ZC3H12B: variants seen among roughly 807,000 people sequenced by gnomAD.
ZC3H12B encodes the protein probable ribonuclease ZC3H12B.
ZC3H12B carries 7 observed loss-of-function variants against 43.9 expected under a neutral mutation model. The observed-to-expected ratio is 0.16, with a 90% CI of 0.09 to 0.30. The LOEUF (loss-of-function observed/expected upper bound fraction) is 0.30. Among genes scored for constraint, ZC3H12B ranks in the 10% least tolerant of loss-of-function variants. The pLI, the probability that ZC3H12B is intolerant of heterozygous loss-of-function variation, is 1.00. For synonymous variants in ZC3H12B, 222 were observed against 241.7 expected (o/e 0.92, Z 0.76); for missense variants, 475 against 670.2 (o/e 0.71, Z 3.22).
the ZC3H12B span, among the ~76,000 whole-genome samples, chrX:65,230,185 C>T: frequency 9.0e-6 from 1 of 111,465 alleles, no homozygotes; most frequent in Non-Finnish European, 1.9e-5. Flanking sequence ...CTCATATACA[C>T]CATGGAATAC....
At chrX:65,175,411 C>T in the ZC3H12B span, among the ~76,000 whole-genome samples, 1 of 111,526 alleles carries the variant, frequency 9.0e-6, no homozygotes, top group Non-Finnish European at 1.9e-5. Flanking sequence ...TATTTGTAAA[C>T]ATTTTTGATT....
chrX:65,449,011 A>G (rs1308687476), intron 3 of ZC3H12B, among the ~76,000 whole-genome samples: 7 of 66,491 alleles, frequency 1.1e-4, no homozygotes, highest in African/African-American at 1.5e-4. Context: ...AGAAAGAAAG[A>G]AAGGAAGGAA....
At chrX:65,367,630 A>G (rs1282583630) in intron 1 of ZC3H12B, among the ~76,000 whole-genome samples, 1 of 111,613 alleles carries the variant, frequency 9.0e-6, no homozygotes, top group Non-Finnish European at 1.9e-5. Context: ...TTCACACAGT[A>G]AACAAATTTT....
At chrX:65,251,175 G>C in the ZC3H12B span, among the ~76,000 whole-genome samples, 12 of 111,438 alleles carry the variant, frequency 1.1e-4, no homozygotes, top group South Asian at 3.0e-3. Flanking sequence ...GTTTTCCCAG[G>C]ACCATTTATT....
chrX:65,305,444 G>A, the ZC3H12B span, among the ~76,000 whole-genome samples: 2 of 112,053 alleles, frequency 1.8e-5, no homozygotes, highest in Non-Finnish European at 3.8e-5. Flanking sequence ...GACTCATTAA[G>A]AGATAGCGAT....
the ZC3H12B span, among the ~76,000 whole-genome samples, chrX:65,253,635 CT>C: frequency 0.11 from 12,572 of 111,864 alleles, 1,707 homozygotes; most frequent in African/African-American, 0.38. Context: ...GATAGCCCCC[CT>C]GTCTGCTGGC....
exon 5 of ZC3H12B, chrX:65,503,621 T>TC (rs1491405860): frequency 0.086 from 9,704 of 112,311 alleles, 1,253 homozygotes; most frequent in African/African-American, 0.33. Flanking sequence ...TTTCTTTCTT[T>TC]ATTTTTTTTT....
chrX:65,224,694 C>A, the ZC3H12B span, among the ~76,000 whole-genome samples: 1 of 112,059 alleles, frequency 8.9e-6, no homozygotes, highest in South Asian at 3.7e-4. Context: ...TTCCGACGGG[C>A]TTAAAAAACG....
chrX:65,450,922 CAT>C (rs756737804), intron 3 of ZC3H12B, among the ~76,000 whole-genome samples: 40 of 91,514 alleles, frequency 4.4e-4, no homozygotes, highest in Non-Finnish European at 6.3e-4. Context: ...CACACACACA[CAT>C]ATATATATAT....
chrX:65,385,363 A>G (rs188714741), intron 2 of ZC3H12B, among the ~76,000 whole-genome samples: 1 of 111,734 alleles, frequency 8.9e-6, no homozygotes, highest in East Asian at 2.8e-4. Context: ...GAGGTCCTTC[A>G]CATCCCTTGT....
At chrX:65,079,688 G>A in the ZC3H12B span, among the ~76,000 whole-genome samples, 1 of 112,584 alleles carries the variant, frequency 8.9e-6, no homozygotes, top group African/African-American at 3.2e-5. Context: ...CACAAAAACA[G>A]ATACAGATTA....
At chrX:65,501,277 G>A (rs1324515437) in intron 4 of ZC3H12B, among the ~76,000 whole-genome samples, 1 of 78,692 alleles carries the variant, frequency 1.3e-5, no homozygotes, top group African/African-American at 5.5e-5. Flanking sequence ...ACAGGGTCTT[G>A]CTCTTGCTCT....
At chrX:65,079,860 C>G in the ZC3H12B span, among the ~76,000 whole-genome samples, 1 of 110,711 alleles carries the variant, frequency 9.0e-6, no homozygotes, top group Non-Finnish European at 1.9e-5. Context: ...AAAACATGAC[C>G]TCACCCAGTG....
chrX:65,452,388 G>A (rs990916033), intron 3 of ZC3H12B, among the ~76,000 whole-genome samples: 10 of 109,232 alleles, frequency 9.2e-5, no homozygotes, highest in Non-Finnish European at 1.5e-4. Flanking sequence ...TACATCATCA[G>A]CAACCAAGCT....
At position 65,370,854 on chromosome X, in the gene ZC3H12B, C is replaced by T. The variant is rs148325275; in HGVS notation, n.295+1856C>T. On this transcript the variant is annotated intron_variant and non_coding_transcript_variant, in intron 2 of 5. Coordinates refer to the ZC3H12B transcript ENST00000617377. Reference sequence around the variant, plus strand: ...GTGAACAGTAGTTTCATAACAAAGCCCAACAGGACCATTTAGGTAAGACAT... The same window carrying T: ...GTGAACAGTAGTTTCATAACAAAGCTCAACAGGACCATTTAGGTAAGACAT... 4.0e-3 allele frequency among the ~76,000 whole-genome samples: 445 copies of T among 111,911 alleles called. 4 individuals carry two copies. The highest frequency in any genetic ancestry group is 0.014 in the African/African-American group (417 of 30,862).
At chrX:65,421,874 G>C (rs761655184) in intron 3 of ZC3H12B, among the ~76,000 whole-genome samples, 3 of 109,104 alleles carry the variant, frequency 2.7e-5, no homozygotes, top group East Asian at 2.9e-4. Flanking sequence ...TGTGAACCGG[G>C]CAGGCGGAGC....
intron 3 of ZC3H12B, among the ~76,000 whole-genome samples, chrX:65,430,574 A>G (rs770641526): frequency 2.2e-5 from 2 of 92,465 alleles, no homozygotes; most frequent in Admixed American, 2.7e-4. Context: ...ATTCCCACCT[A>G]TGAGTGAGAA....
intron 3 of ZC3H12B, among the ~76,000 whole-genome samples, chrX:65,438,287 G>T (rs2067248134): frequency 9.0e-6 from 1 of 111,612 alleles, no homozygotes; most frequent in African/African-American, 3.3e-5. Flanking sequence ...GATAGGGATT[G>T]CATTGAATCT....
the ZC3H12B span, among the ~76,000 whole-genome samples, chrX:65,109,227 C>T: frequency 9.0e-6 from 1 of 111,530 alleles, no homozygotes; most frequent in Non-Finnish European, 1.9e-5. Flanking sequence ...ATACAATGCA[C>T]CTGCTTAAAG....
Sources: allele counts gnomAD v4.1 joint callset (sites outside exome capture counted in the v4.1 genomes callset), GRCh38; gene constraint gnomAD v4.1.1; transcripts MANE v1.5; gene names NCBI Gene and HGNC (gene_info 2026-07-23, HGNC 2026-07-21).